NDST3: variants seen among roughly 807,000 people sequenced by gnomAD.
The protein encoded by NDST3 is N-deacetylase and N-sulfotransferase 3.
NDST3 carries 58 observed loss-of-function variants against 96.1 expected under a neutral mutation model. The observed-to-expected ratio is 0.60, with a 90% confidence interval of 0.49 to 0.75. NDST3 has a LOEUF of 0.75. Among genes scored for constraint, NDST3 ranks in the 30% least tolerant of loss-of-function variants. The pLI is 0.00. For synonymous variants in NDST3, 333 were observed against 359.7 expected (o/e 0.93, Z 0.84); for missense variants, 788 against 1,034.2 (o/e 0.76, Z 3.27).
chr4:118,113,126 A>C (rs1260834752), intron 3 of NDST3, among the ~76,000 whole-genome samples: 1 of 152,138 alleles, frequency 6.6e-6, no homozygotes, highest in African/African-American at 2.4e-5. Context: ...ACCTCCCCCC[A>C]AAAATAAAAT....
chr4:118,071,808 TTTAAG>T (rs1465520270), intron 2 of NDST3, among the ~76,000 whole-genome samples: 3 of 152,126 alleles, frequency 2.0e-5, no homozygotes, highest in African/African-American at 2.4e-5. Context: ...GTAGTTCTAT[TTTAAG>T]TTATTTGAGA....
chr4:118,204,336 T>C (rs1738301944), intron 6 of NDST3, among the ~76,000 whole-genome samples: 1 of 145,648 alleles, frequency 6.9e-6, no homozygotes, highest in Admixed American at 6.8e-5. Context: ...AGAGTTTAAC[T>C]GAGCAAAGAA....
At chr4:118,066,374 A>G (rs372281935) in intron 2 of NDST3, among the ~76,000 whole-genome samples, 1 of 17,860 alleles carries the variant, frequency 5.6e-5, no homozygotes, top group Non-Finnish European at 1.6e-4. Flanking sequence ...TATATTATAT[A>G]TCATATATCA....
chr4:118,169,279 A>T (rs940994050), intron 6 of NDST3, among the ~76,000 whole-genome samples: 1 of 152,144 alleles, frequency 6.6e-6, no homozygotes, highest in African/African-American at 2.4e-5. Context: ...GTGTTTTTTA[A>T]AAATAGGAAG....
intron 5 of NDST3, among the ~76,000 whole-genome samples, chr4:118,139,435 G>C (rs1733388570): frequency 6.6e-6 from 1 of 152,140 alleles, no homozygotes; most frequent in African/African-American, 2.4e-5. Flanking sequence ...ACCTATATTT[G>C]GCTTGTGGGC....
intron 6 of NDST3, among the ~76,000 whole-genome samples, chr4:118,165,377 A>C (rs775767073): frequency 2.0e-5 from 3 of 152,096 alleles, no homozygotes; most frequent in African/African-American, 4.8e-5. Context: ...AGGAAGATAT[A>C]ACAATTATAA....
chr4:118,220,164 T>A (rs1312393540), intron 6 of NDST3, among the ~76,000 whole-genome samples: 1 of 152,102 alleles, frequency 6.6e-6, no homozygotes, highest in African/African-American at 2.4e-5. Context: ...CACGTATGTT[T>A]ACTGCAGCAC....
chr4:118,209,160 A>G (rs1414172020), intron 6 of NDST3, among the ~76,000 whole-genome samples: 1 of 152,222 alleles, frequency 6.6e-6, no homozygotes, highest in East Asian at 1.9e-4. Flanking sequence ...TTTAAAACAA[A>G]GAAGCAAAAT....
At chr4:118,133,235 A>G (rs1049908622) in intron 4 of NDST3, among the ~76,000 whole-genome samples, 4 of 152,196 alleles carry the variant, frequency 2.6e-5, no homozygotes, top group African/African-American at 9.7e-5. Context: ...AAGAAACTCA[A>G]GCTCTAACTG....
intron 3 of NDST3, among the ~76,000 whole-genome samples, chr4:118,111,080 C>T (rs1289721034): frequency 1.3e-5 from 2 of 152,100 alleles, no homozygotes; most frequent in East Asian, 3.9e-4. Context: ...AAACCAAATA[C>T]CACACGTTCT....
At chr4:118,168,892 G>A (rs1293347121) in intron 6 of NDST3, among the ~76,000 whole-genome samples, 2 of 152,134 alleles carry the variant, frequency 1.3e-5, no homozygotes, top group African/African-American at 4.8e-5. Context: ...AATACTGCTT[G>A]ATTCCACTTA....
intron 3 of NDST3, among the ~76,000 whole-genome samples, chr4:118,106,288 T>G (rs1730176738): frequency 6.6e-6 from 1 of 152,212 alleles, no homozygotes; most frequent in African/African-American, 2.4e-5. Context: ...ATCATTTTTT[T>G]CTTTAATGGT....
rs1741121960 is a variant in NDST3, at chr4:118,243,320, C to G, written c.2399+1171C>G. 2.0e-5 allele frequency among the ~76,000 whole-genome samples: 3 copies of G among 152,264 alleles called. No homozygotes were observed. The South Asian group carries it at 6.2e-4, about 32-fold the overall frequency. On this transcript the variant is annotated intron_variant, in intron 12 of 13. Transcript: ENST00000296499. ...GGAAAACATCAAATACTGCTTATAT[C>G]TCCTACAAATCAAATATAGAGACAC...
rs150400987 is a variant in NDST3, at chr4:118,056,713, TAG to T, written c.981+1825_981+1826del. 4.2e-4 allele frequency among the ~76,000 whole-genome samples: 64 copies of T among 151,298 alleles called. 1 individual carries two copies. The East Asian group carries it at 9.7e-3, about 23-fold the overall frequency. On this transcript the variant is annotated intron_variant, in intron 2 of 13. Coordinates refer to ENST00000296499, the MANE Select transcript of NDST3 (RefSeq NM_004784.3). ...TCCAGAGAAGAGGGGCAGGGGAGAG[TAG>T]AGTCATAGGAAAGCACATTGTGCTG... is the stretch of plus-strand genomic sequence containing the variant.
intron 2 of NDST3, 180 bp downstream of exon 2, chr4:118,055,071 C>T: frequency 1.3e-6 from 1 of 757,206 alleles, no homozygotes. Flanking sequence ...CTATCTGAAT[C>T]AAGAAAAATA....
intron 6 of NDST3, among the ~76,000 whole-genome samples, chr4:118,188,951 A>T (rs914681706): frequency 2.6e-5 from 4 of 152,198 alleles, no homozygotes; most frequent in African/African-American, 9.7e-5. Flanking sequence ...CTATAAAATA[A>T]CTTCACATAA....
At chr4:118,201,727 C>T (rs1184144377) in intron 6 of NDST3, among the ~76,000 whole-genome samples, 1 of 152,152 alleles carries the variant, frequency 6.6e-6, no homozygotes, top group African/African-American at 2.4e-5. Flanking sequence ...GTCTCTCATT[C>T]TGCAGGTTGT....
intron 6 of NDST3, among the ~76,000 whole-genome samples, chr4:118,209,560 T>C (rs1220070391): frequency 2.0e-5 from 3 of 152,256 alleles, no homozygotes; most frequent in African/African-American, 4.8e-5. Context: ...GAAATGTTAA[T>C]TGATCATCAA....
intron 6 of NDST3, chr4:118,193,553 A>G (rs1737456714): frequency 9.7e-7 from 1 of 1,026,882 alleles, no homozygotes; most frequent in African/African-American, 1.6e-5. Flanking sequence ...GTTGGCGTAG[A>G]GCGTCTTCTC....
Sources: gnomAD v4.1 joint callset for allele counts (sites outside exome capture counted in the v4.1 genomes callset) on GRCh38, gnomAD v4.1.1 for gene constraint, MANE v1.5 for transcripts, NCBI Gene and HGNC (gene_info 2026-07-23, HGNC 2026-07-21) for gene names.